Variants in STIM2 observed in about 807,000 individuals in gnomAD.
STIM2 encodes stromal interaction molecule 2.
Under a neutral mutation model 85.8 loss-of-function variants are expected in STIM2, and 31 were observed. The observed-to-expected ratio is 0.36, with a 90% confidence interval of 0.27 to 0.49. The LOEUF (loss-of-function observed/expected upper bound fraction) is 0.49, where lower values mean the gene tolerates loss of function less well. Among genes scored for constraint, STIM2 ranks in the 20% least tolerant of loss-of-function variants. The pLI, the probability that STIM2 is intolerant of heterozygous loss-of-function variation, is 0.98. For missense variants in STIM2, 841 were observed against 927.6 expected (o/e 0.91, Z 1.21); for synonymous variants, 356 against 331.1 (o/e 1.08, Z -0.82).
intron 1 of STIM2, among the ~76,000 whole-genome samples, chr4:26,869,946 C>T (rs776880286): frequency 1.6e-4 from 25 of 151,834 alleles, no homozygotes; most frequent in Non-Finnish European, 2.6e-4. Flanking sequence ...GTGATACATA[C>T]GCACTTGCAC....
At chr4:27,010,336 C>G (rs556726858) in intron 10 of STIM2, among the ~76,000 whole-genome samples, 1 of 151,912 alleles carries the variant, frequency 6.6e-6, no homozygotes, top group Non-Finnish European at 1.5e-5. Flanking sequence ...CTCAGCTACT[C>G]GGGAGGCTGA....
At chr4:26,876,270 T>C (rs879747731) in intron 1 of STIM2, among the ~76,000 whole-genome samples, 7 of 152,172 alleles carry the variant, frequency 4.6e-5, no homozygotes, top group Non-Finnish European at 7.4e-5. Context: ...GTAGAGCCTT[T>C]ATATTAAGAC....
At chr4:26,942,004 C>T (rs974096327) in intron 2 of STIM2, among the ~76,000 whole-genome samples, 3 of 152,080 alleles carry the variant, frequency 2.0e-5, no homozygotes, top group Admixed American at 2.0e-4. Flanking sequence ...ATTGTTTGGT[C>T]ACTAATTTAA....
At chr4:26,998,231 G>A (rs963476470) in intron 4 of STIM2, among the ~76,000 whole-genome samples, 4 of 152,112 alleles carry the variant, frequency 2.6e-5, no homozygotes, top group South Asian at 2.1e-4. Flanking sequence ...TCTTAGTTGA[G>A]TACTGGGTTG....
intron 1 of STIM2, among the ~76,000 whole-genome samples, chr4:26,918,442 A>AGCT (rs769294762): frequency 6.6e-6 from 1 of 152,118 alleles, no homozygotes; most frequent in Non-Finnish European, 1.5e-5. Context: ...AACTAATGAC[A>AGCT]GCTAATTGAT....
chr4:27,024,352 A>G lies in STIM2; in HGVS notation c.*1356A>G, dbSNP rs887772246. 16 of 152,348 alleles carry G rather than the reference A, an allele frequency of 1.1e-4. No homozygotes were observed. The highest frequency in any genetic ancestry group is 3.8e-4 in the African/African-American group (16 of 41,580). The allele number at this position is 152,348 out of a possible 1,614,324, so 9.4% of individuals were successfully genotyped here. On this transcript the variant is annotated 3_prime_UTR_variant, in exon 12 of 12. Transcript: ENST00000467087. ...TATACCACTTTAAAAATATGCAATC[A>G]TAAGTGATTTGGTTACTGCAATGCA...
chr4:26,937,129 A>G (rs1399420095), intron 2 of STIM2, among the ~76,000 whole-genome samples: 4 of 152,032 alleles, frequency 2.6e-5, no homozygotes, highest in Non-Finnish European at 5.9e-5. Flanking sequence ...CCCTGCTTCA[A>G]CTAATGACTG....
At chr4:26,870,096 C>A (rs1030014572) in intron 1 of STIM2, among the ~76,000 whole-genome samples, 4 of 152,078 alleles carry the variant, frequency 2.6e-5, no homozygotes, top group African/African-American at 9.7e-5. Context: ...AAATATCAAA[C>A]TTACAGAGTA....
chr4:26,918,369 C>T (rs1660773848), intron 1 of STIM2, among the ~76,000 whole-genome samples: 1 of 151,504 alleles, frequency 6.6e-6, no homozygotes, highest in African/African-American at 2.4e-5. Context: ...GTAAGTATCT[C>T]TACTTGCTTT....
intron 1 of STIM2, among the ~76,000 whole-genome samples, chr4:26,899,654 C>T (rs560195546): frequency 1.3e-5 from 2 of 152,068 alleles, no homozygotes; most frequent in African/African-American, 4.8e-5. Context: ...AAAATTCAGT[C>T]ACTGATGAAT....
At chr4:26,894,314 G>T (rs973921695) in intron 1 of STIM2, among the ~76,000 whole-genome samples, 3 of 152,282 alleles carry the variant, frequency 2.0e-5, no homozygotes, top group African/African-American at 7.2e-5. Flanking sequence ...AGTTCTTAAT[G>T]AGAGTACTGC....
Position 27,023,347 on chromosome 4 carries a change from A to T in STIM2, c.*351A>T, listed in dbSNP as rs1269675385. 1 of 211,600 alleles carries T rather than the reference A, an allele frequency of 4.7e-6. No homozygotes were observed. The highest frequency in any genetic ancestry group is 2.3e-5 in the African/African-American group (1 of 43,600). 13.1% of individuals were successfully genotyped at this position (211,600 alleles called of 1,614,324 possible). A position where few individuals can be genotyped will look rare whatever the true frequency, so the allele number is the denominator to read the frequency against. ...AGCTTTAATGGACTCGTAAGCCAGCATGGGCTTGCAAAAATTTCTTGTTTA... is the reference window on the plus strand; with the variant it reads ...AGCTTTAATGGACTCGTAAGCCAGCTTGGGCTTGCAAAAATTTCTTGTTTA... On this transcript the variant is annotated 3_prime_UTR_variant, in exon 12 of 12. Transcript: ENST00000467087.
chr4:26,982,971 A>G (rs1727453911), intron 3 of STIM2, among the ~76,000 whole-genome samples: 1 of 152,166 alleles, frequency 6.6e-6, no homozygotes, highest in Non-Finnish European at 1.5e-5. Context: ...TCCTGACCCC[A>G]CGGGCTGCTA....
At chr4:26,869,682 T>TA (rs1314402351) in intron 1 of STIM2, among the ~76,000 whole-genome samples, 2 of 151,742 alleles carry the variant, frequency 1.3e-5, no homozygotes, top group South Asian at 2.1e-4. Context: ...GATGGCTAAT[T>TA]AAAAAAAACT....
chr4:26,893,838 T>A (rs779150146), intron 1 of STIM2, among the ~76,000 whole-genome samples: 1 of 152,110 alleles, frequency 6.6e-6, no homozygotes, highest in South Asian at 2.1e-4. Flanking sequence ...TTGGAGATTG[T>A]CTATTTAAGT....
intron 2 of STIM2, among the ~76,000 whole-genome samples, chr4:26,930,287 G>T (rs1725156848): frequency 6.6e-6 from 1 of 152,128 alleles, no homozygotes; most frequent in African/African-American, 2.4e-5. Flanking sequence ...AGTTCACATT[G>T]TTATTGCTCA....
chr4:26,999,753 C>T (rs1560235364), intron 5 of STIM2, among the ~76,000 whole-genome samples: 2 of 151,970 alleles, frequency 1.3e-5, no homozygotes. Context: ...CACTAAACAC[C>T]AAGAAAATGG....
chr4:26,885,857 A>ATATATATATATGTG (rs1723214964), intron 1 of STIM2, among the ~76,000 whole-genome samples: 1 of 67,814 alleles, frequency 1.5e-5, no homozygotes, highest in Non-Finnish European at 3.0e-5. Context: ...ATATATATAT[A>ATATATATATATGTG]TATATATATA....
At chr4:26,973,255 C>G (rs565788567) in intron 3 of STIM2, among the ~76,000 whole-genome samples, 31 of 152,212 alleles carry the variant, frequency 2.0e-4, no homozygotes, top group African/African-American at 7.2e-4. Context: ...CTGCTCTGAT[C>G]TTAGTTATTT....
Sources: allele counts gnomAD v4.1 joint callset (sites outside exome capture counted in the v4.1 genomes callset), GRCh38; gene constraint gnomAD v4.1.1; transcripts MANE v1.5; gene names NCBI Gene and HGNC (gene_info 2026-07-23, HGNC 2026-07-21).